The following RBPMS variants were observed in gnomAD, a reference collection of about 807,000 sequenced individuals.
The protein encoded by RBPMS is RNA binding protein, mRNA processing factor.
RBPMS carries 7 observed loss-of-function variants against 26.8 expected under a neutral mutation model. The observed-to-expected ratio is 0.26, with a 90% confidence interval of 0.15 to 0.49. RBPMS has a LOEUF of 0.49. Ranked by LOEUF, RBPMS falls within the 20% of genes least tolerant of loss-of-function variation. RBPMS has a pLI of 0.98. For synonymous variants in RBPMS, 96 were observed against 93.3 expected, an observed-to-expected ratio of 1.03 and a Z score of -0.17; for missense variants, 186 against 250.0, an observed-to-expected ratio of 0.74 and a Z score of 1.73.
chr8:30,549,809 T>TCTCCCCCCTCTCTC lies in RBPMS; in HGVS notation c.528+5188_528+5189insCCCCCTCTCTCCTC, dbSNP rs56117868. On this transcript the variant is annotated intron_variant, in intron 6 of 8. Transcript: ENST00000397323. The stretch of plus-strand genomic sequence containing the variant: ...CTCTCTCTCTCTCCCCTCTCTCCTC[T>TCTCCCCCCTCTCTC]CTCTCTCTCTCTCTCTCTTTTCTTT... Among the ~76,000 whole-genome samples, 824 of 92,284 alleles carry TCTCCCCCCTCTCTC rather than the reference T, an allele frequency of 8.9e-3. 13 individuals are homozygous for TCTCCCCCCTCTCTC. Among genetic ancestry groups the TCTCCCCCCTCTCTC allele is most frequent in the African/African-American group, 0.014 (318 of 22,648 alleles). The allele number at this position is 92,284 out of a possible 152,430, so 60.5% of individuals were successfully genotyped here.
intron 8 of RBPMS, among the ~76,000 whole-genome samples, chr8:30,568,176 C>G (rs1284529380): frequency 6.6e-6 from 1 of 152,222 alleles, no homozygotes; most frequent in African/African-American, 2.4e-5. Flanking sequence ...AACGGAAGCA[C>G]TCTTAATTAG....
At chr8:30,421,981 G>A (rs1810850231) in intron 1 of RBPMS, among the ~76,000 whole-genome samples, 2 of 151,338 alleles carry the variant, frequency 1.3e-5, no homozygotes, top group South Asian at 4.2e-4. Flanking sequence ...AAAAAAAGCT[G>A]GTTGCTATGA....
Position 30,557,329 on chromosome 8 carries a change from G to A in RBPMS, c.529-1558G>A, listed in dbSNP as rs547849082. On this transcript the variant is annotated intron_variant, in intron 6 of 8. Coordinates refer to ENST00000397323, the MANE Select transcript of RBPMS (RefSeq NM_001008710.3). Reference sequence around the variant, plus strand: ...TTGTGCTCGGACCAGGGACAAGGTCGGGGTGCTGTGTCGGATTTCTCTAGG... The same window carrying A: ...TTGTGCTCGGACCAGGGACAAGGTCAGGGTGCTGTGTCGGATTTCTCTAGG... Among the ~76,000 whole-genome samples the A allele has an allele frequency of 7.9e-5, 12 of 152,282 alleles. No individual in the cohort carries two copies. The South Asian group carries it at 2.5e-3, about 32-fold the overall frequency.
chr8:30,435,621 C>T (rs1482041730), intron 1 of RBPMS, among the ~76,000 whole-genome samples: 1 of 152,092 alleles, frequency 6.6e-6, no homozygotes, highest in Non-Finnish European at 1.5e-5. Flanking sequence ...TATACACAGA[C>T]AACTAACTTG....
Position 30,558,526 on chromosome 8 carries a change from T to C in RBPMS, c.529-361T>C. ...TTCCACACTCTGCTTAGAAAGCCATTAGATAGCCTTTCACCAGCCTAGGCC... is the reference window on the plus strand; with the variant it reads ...TTCCACACTCTGCTTAGAAAGCCATCAGATAGCCTTTCACCAGCCTAGGCC... On this transcript the variant is annotated intron_variant, in intron 6 of 8. Transcript: ENST00000397323. The C allele has an allele frequency of 7.9e-6, 3 of 381,044 alleles. No individual in the cohort carries two copies. In the South Asian group the frequency reaches 8.0e-5, roughly 10 times the overall value. The allele number at this position is 381,044 out of a possible 1,614,324, so 23.6% of individuals were successfully genotyped here.
rs1004945013 is a variant in RBPMS, at chr8:30,487,943, AT to A, written c.246+8576del. Reference sequence around the variant, plus strand: ...GTCATTGCATAAAAGGATATATAAGATTTTTTTTTTCTTGGCCATTGTGCGG... The same window carrying A: ...GTCATTGCATAAAAGGATATATAAGATTTTTTTTTCTTGGCCATTGTGCGG... On this transcript the variant is annotated intron_variant, in intron 4 of 8. Transcript: ENST00000397323. Among the ~76,000 whole-genome samples, 442 of 150,748 alleles carry A rather than the reference AT, an allele frequency of 2.9e-3. 1 individual carries two copies. The highest frequency in any genetic ancestry group is 0.01 in the African/African-American group (417 of 41,190).
intron 1 of RBPMS, among the ~76,000 whole-genome samples, chr8:30,415,231 C>T (rs977816751): frequency 6.6e-6 from 1 of 152,160 alleles, no homozygotes; most frequent in Admixed American, 6.6e-5. Flanking sequence ...TTCAACAATT[C>T]TACTTTCCAA....
chr8:30,561,306 A>G (rs1827462375), intron 7 of RBPMS, among the ~76,000 whole-genome samples: 1 of 152,170 alleles, frequency 6.6e-6, no homozygotes, highest in African/African-American at 2.4e-5. Flanking sequence ...TACAGATCCC[A>G]AAGCCTTACT....
chr8:30,526,612 T>C (rs1250417360), intron 5 of RBPMS, among the ~76,000 whole-genome samples: 1 of 152,206 alleles, frequency 6.6e-6, no homozygotes, highest in East Asian at 1.9e-4. Context: ...TCTGAACGTA[T>C]GTGGCTACCC....
At chr8:30,465,751 T>C (rs1816425704) in intron 1 of RBPMS, among the ~76,000 whole-genome samples, 1 of 152,208 alleles carries the variant, frequency 6.6e-6, no homozygotes, top group African/African-American at 2.4e-5. Flanking sequence ...ATCGTGCCAC[T>C]GCACTCCAGC....
chr8:30,486,467 CAAAAAAA>C lies in RBPMS; in HGVS notation c.246+7100_246+7106del, dbSNP rs775790893. Among the ~76,000 whole-genome samples the C allele has an allele frequency of 9.3e-4, 115 of 123,568 alleles. 1 individual carries two copies. Among genetic ancestry groups the C allele is most frequent in the African/African-American group, 3.1e-3 (110 of 35,224 alleles). 81.1% of individuals were successfully genotyped at this position (123,568 alleles called of 152,430 possible). A position where few individuals can be genotyped will look rare whatever the true frequency, so the allele number is the denominator to read the frequency against. On this transcript the variant is annotated intron_variant, in intron 4 of 8. Coordinates refer to ENST00000397323, the MANE Select transcript of RBPMS (RefSeq NM_001008710.3). Reference sequence around the variant, plus strand: ...TGAAACCCCGTCTCTACTAAAAGTACAAAAAAAAAAAAAAAATTAGCTGGGCATGGTG... The same window carrying C: ...TGAAACCCCGTCTCTACTAAAAGTACAAAAAAAAATTAGCTGGGCATGGTG...
intron 6 of RBPMS, among the ~76,000 whole-genome samples, chr8:30,549,281 T>C (rs998948065): frequency 6.6e-6 from 1 of 152,214 alleles, no homozygotes; most frequent in East Asian, 1.9e-4. Flanking sequence ...ACTTTAGCAC[T>C]TGACCCCTGA....
chr8:30,477,512 CAG>C (rs1817827606), intron 2 of RBPMS, among the ~76,000 whole-genome samples: 1 of 151,814 alleles, frequency 6.6e-6, no homozygotes, highest in African/African-American at 2.4e-5. Context: ...TTGCTATTAA[CAG>C]AGACACTCAT....
chr8:30,492,128 G>A (rs551708477), intron 4 of RBPMS, among the ~76,000 whole-genome samples: 12 of 152,290 alleles, frequency 7.9e-5, no homozygotes, highest in South Asian at 2.1e-4. Context: ...CTGACCTCAG[G>A]TGATCCACCT....
At chr8:30,486,298 C>T (rs1818758713) in intron 4 of RBPMS, among the ~76,000 whole-genome samples, 1 of 151,906 alleles carries the variant, frequency 6.6e-6, no homozygotes, top group Non-Finnish European at 1.5e-5. Flanking sequence ...CAAGATCGCA[C>T]CACTGCATTC....
At chr8:30,410,255 G>GCTCT (rs2150576867) in intron 1 of RBPMS, among the ~76,000 whole-genome samples, 1 of 151,842 alleles carries the variant, frequency 6.6e-6, no homozygotes, top group South Asian at 2.1e-4. Context: ...TGCCCAGGCT[G>GCTCT]GAGTGCAGTG....
At chr8:30,431,371 C>CTT (rs35660842) in intron 1 of RBPMS, among the ~76,000 whole-genome samples, 20 of 147,766 alleles carry the variant, frequency 1.4e-4, no homozygotes, top group African/African-American at 4.8e-4. Flanking sequence ...TTCTTTCTTT[C>CTT]TCTCTCTTTC....
chr8:30,412,149 G>C (rs1477483194), intron 1 of RBPMS, among the ~76,000 whole-genome samples: 1 of 152,210 alleles, frequency 6.6e-6, no homozygotes, highest in Admixed American at 6.5e-5. Context: ...TACACACCTT[G>C]CTATAATTAG....
At chr8:30,470,362 C>T (rs769809636) in intron 1 of RBPMS, among the ~76,000 whole-genome samples, 4 of 151,560 alleles carry the variant, frequency 2.6e-5, no homozygotes, top group South Asian at 2.1e-4. Context: ...CCAGCCTGGG[C>T]GACAGAACGA....
Sources: gnomAD v4.1 joint callset for allele counts (sites outside exome capture counted in the v4.1 genomes callset) on GRCh38, gnomAD v4.1.1 for gene constraint, MANE v1.5 for transcripts, NCBI Gene and HGNC (gene_info 2026-07-23, HGNC 2026-07-21) for gene names.